Variants in ANTXR1 observed in about 807,000 individuals in gnomAD.
ANTXR1 encodes ANTXR cell adhesion molecule 1.
In ANTXR1, 19 loss-of-function variants were observed where a neutral mutation model predicts 78.1. The ratio of observed to expected loss-of-function variants is 0.24; its 90% CI spans 0.17 to 0.36. The LOEUF is 0.36. ANTXR1 is among the 10% of genes least tolerant of loss of function. The pLI is 1.00. For missense variants in ANTXR1, 518 were observed against 718.6 expected, an observed-to-expected ratio of 0.72 and a Z score of 3.19; for synonymous variants, 273 against 260.5, an observed-to-expected ratio of 1.05 and a Z score of -0.46.
chr2:69,249,143 T>TA lies in ANTXR1; in HGVS notation c.*3665dup, dbSNP rs201453603. The TA allele has an allele frequency of 2.0e-5, 3 of 146,478 alleles. No individual in the cohort carries two copies. The highest frequency in any genetic ancestry group is 2.0e-4 in the Admixed American group (3 of 14,766). The allele number at this position is 146,478 out of a possible 1,614,324, so 9.1% of individuals were successfully genotyped here. ...TGACAACCCTGGAAGTTGCTTTTTT[T>TA]AAAAAAATAATAAATTTCTTAAATC... is the stretch of plus-strand genomic sequence containing the variant. On this transcript the variant is annotated 3_prime_UTR_variant, in exon 18 of 18. Transcript: ENST00000303714.
intron 10 of ANTXR1, among the ~76,000 whole-genome samples, chr2:69,105,279 C>A (rs1259566267): frequency 6.6e-6 from 1 of 152,122 alleles, no homozygotes; most frequent in East Asian, 1.9e-4. Context: ...CATTCATATT[C>A]AAAAAGAAAT....
chr2:69,050,312 A>G (rs1212307334), intron 3 of ANTXR1, among the ~76,000 whole-genome samples: 1 of 151,990 alleles, frequency 6.6e-6, no homozygotes, highest in Non-Finnish European at 1.5e-5. Context: ...AAATAAATAA[A>G]TAAATAAATA....
At chr2:69,176,829 ATT>A (rs1291640462) in intron 14 of ANTXR1, among the ~76,000 whole-genome samples, 1 of 152,210 alleles carries the variant, frequency 6.6e-6, no homozygotes, top group East Asian at 1.9e-4. Flanking sequence ...GCTCCTTTTC[ATT>A]GATAGTTCCT....
intron 16 of ANTXR1, among the ~76,000 whole-genome samples, chr2:69,192,886 G>A (rs1044354748): frequency 6.6e-6 from 1 of 152,060 alleles, no homozygotes; most frequent in Non-Finnish European, 1.5e-5. Context: ...CCTTTAATTG[G>A]TCTTGCCCTG....
intron 12 of ANTXR1, among the ~76,000 whole-genome samples, chr2:69,144,004 C>T (rs1416519932): frequency 6.6e-6 from 1 of 152,228 alleles, no homozygotes; most frequent in East Asian, 1.9e-4. Flanking sequence ...GATCTCTAGG[C>T]TTGCCCATCT....
rs550256721 is a variant in ANTXR1 at position 69,187,436 on chromosome 2, G to A, written c.1353+4776G>A. On this transcript the variant is annotated intron_variant, in intron 16 of 17. Transcript: ENST00000303714. ...AAAAACCAAAAGAAGAAAAAAAAAA[G>A]CGCAACAAAATCTATCCTATGCATG... 3.3e-5 allele frequency among the ~76,000 whole-genome samples: 5 copies of A among 151,704 alleles called. No homozygotes were observed. The East Asian group carries it at 9.7e-4, about 29-fold the overall frequency.
Position 69,131,177 on chromosome 2 carries a change from C to A in ANTXR1, c.951+6534C>A, listed in dbSNP as rs77354233. 6.7e-3 allele frequency among the ~76,000 whole-genome samples: 1,022 copies of A among 152,128 alleles called. 18 individuals carry two copies. Among genetic ancestry groups the A allele is most frequent in the Non-Finnish European group, 5.0e-3 (339 of 67,986 alleles). On this transcript the variant is annotated intron_variant, in intron 12 of 17. Transcript: ENST00000303714. ...TTCTATATGTACTTTCTTTGGGGCC[C>A]CTCTTTCTGATATAAAGATAGGAAT... is the stretch of plus-strand genomic sequence containing the variant.
intron 10 of ANTXR1, among the ~76,000 whole-genome samples, chr2:69,119,153 T>C (rs1323975332): frequency 1.3e-5 from 2 of 152,054 alleles, no homozygotes; most frequent in Non-Finnish European, 2.9e-5. Flanking sequence ...TCCTTTCCAG[T>C]TGGGATGGAG....
At chr2:69,054,833 T>C (rs1670022560) in intron 3 of ANTXR1, among the ~76,000 whole-genome samples, 1 of 152,164 alleles carries the variant, frequency 6.6e-6, no homozygotes, top group African/African-American at 2.4e-5. Flanking sequence ...CTTGGATTCA[T>C]TTCATTTTGA....
intron 8 of ANTXR1, 109 bp downstream of exon 8, chr2:69,077,597 A>G: frequency 4.3e-6 from 5 of 1,163,334 alleles, no homozygotes; most frequent in Non-Finnish European, 6.4e-6. Context: ...TCTGCTTAAG[A>G]GAACATCATT....
At chr2:69,115,990 A>G (rs1295332368) in intron 10 of ANTXR1, among the ~76,000 whole-genome samples, 1 of 152,158 alleles carries the variant, frequency 6.6e-6, no homozygotes, top group Admixed American at 6.5e-5. Context: ...ACCAACCTAC[A>G]TTTCACTGCC....
At chr2:69,177,050 G>T (rs1365072567) in intron 14 of ANTXR1, among the ~76,000 whole-genome samples, 4 of 152,210 alleles carry the variant, frequency 2.6e-5, no homozygotes, top group African/African-American at 9.7e-5. Context: ...GCAGGAGTGA[G>T]GCAGTCCCAG....
chr2:69,199,051 A>C (rs1417953667), intron 17 of ANTXR1, among the ~76,000 whole-genome samples: 2 of 152,252 alleles, frequency 1.3e-5, no homozygotes, highest in African/African-American at 2.4e-5. Context: ...GGGCTGCCCC[A>C]GAGACTAATG....
At chr2:69,037,309 A>G (rs192704318) in intron 1 of ANTXR1, among the ~76,000 whole-genome samples, 3 of 152,186 alleles carry the variant, frequency 2.0e-5, no homozygotes, top group African/African-American at 7.2e-5. Context: ...AATGCTTGGG[A>G]GGGAAATTTC....
chr2:69,121,139 T>C (rs56896335), intron 10 of ANTXR1, among the ~76,000 whole-genome samples: 8,561 of 152,316 alleles, frequency 0.056, 806 homozygotes, highest in African/African-American at 0.19. Flanking sequence ...TCCTTTTGTG[T>C]GCTCATCACA....
At chr2:69,235,705 A>C (rs1009850724) in intron 17 of ANTXR1, among the ~76,000 whole-genome samples, 1 of 147,760 alleles carries the variant, frequency 6.8e-6, no homozygotes, top group African/African-American at 2.6e-5. Flanking sequence ...ATAATTGGCT[A>C]CCCACATAAA....
intron 17 of ANTXR1, among the ~76,000 whole-genome samples, chr2:69,222,693 A>G (rs1675348711): frequency 6.6e-6 from 1 of 152,158 alleles, no homozygotes; most frequent in Admixed American, 6.5e-5. Context: ...AGGCATCCTT[A>G]TCCAGGTTGC....
At chr2:69,015,558 G>A (rs1046324185) in intron 1 of ANTXR1, among the ~76,000 whole-genome samples, 1 of 151,798 alleles carries the variant, frequency 6.6e-6, no homozygotes, top group Non-Finnish European at 1.5e-5. Flanking sequence ...GAATGAAAAA[G>A]GTTAGATTTA....
chr2:69,081,317 G>A (rs369385995), intron 8 of ANTXR1, among the ~76,000 whole-genome samples: 1 of 152,166 alleles, frequency 6.6e-6, no homozygotes, highest in Admixed American at 6.5e-5. Flanking sequence ...AATCACCACT[G>A]GATTACCAGA....
Sources: gnomAD v4.1 joint callset for allele counts (sites outside exome capture counted in the v4.1 genomes callset) on GRCh38, gnomAD v4.1.1 for gene constraint, MANE v1.5 for transcripts, NCBI Gene and HGNC (gene_info 2026-07-23, HGNC 2026-07-21) for gene names.